UBE2L3: variants seen among roughly 807,000 people sequenced by gnomAD.
UBE2L3 encodes ubiquitin conjugating enzyme E2 L3.
Under a neutral mutation model 17.8 loss-of-function variants are expected in UBE2L3, and 1 was observed. The observed-to-expected ratio is 0.06, with a 90% CI of 0.02 to 0.27. The LOEUF (loss-of-function observed/expected upper bound fraction) is 0.27. Ranked by LOEUF, UBE2L3 falls within the 10% of genes least tolerant of loss-of-function variation. The pLI is 1.00. For synonymous variants in UBE2L3, 44 were observed against 68.5 expected, an observed-to-expected ratio of 0.64 and a Z score of 1.76; for missense variants, 40 against 192.6, an observed-to-expected ratio of 0.21 and a Z score of 4.69.
At chr22:21,568,438 C>G (rs1283128161) in intron 1 of UBE2L3, 1 of 985,130 alleles carries the variant, frequency 1.0e-6, no homozygotes, top group Non-Finnish European at 1.2e-6. Flanking sequence ...TTCTGCTTCC[C>G]TCTCCTCCAC....
chr22:21,586,565 C>T (rs1406020430), intron 1 of UBE2L3, among the ~76,000 whole-genome samples: 1 of 151,196 alleles, frequency 6.6e-6, no homozygotes, highest in Non-Finnish European at 1.5e-5. Flanking sequence ...GCCACTGCAC[C>T]CAGCCTTTTT....
intron 1 of UBE2L3, among the ~76,000 whole-genome samples, chr22:21,591,382 G>A (rs1228314294): frequency 6.6e-6 from 1 of 152,216 alleles, no homozygotes; most frequent in Non-Finnish European, 1.5e-5. Flanking sequence ...TGATTGTGGT[G>A]GGCAGATGAG....
At chr22:21,596,676 T>G (rs1362032482) in intron 2 of UBE2L3, among the ~76,000 whole-genome samples, 1 of 151,916 alleles carries the variant, frequency 6.6e-6, no homozygotes, top group Non-Finnish European at 1.5e-5. Flanking sequence ...TAGTAGAGAC[T>G]GGGTTTCTCC....
rs533923826 is a variant in UBE2L3 at position 21,575,631 on chromosome 22, C to CTT, written c.27+7887_27+7888dup. Among the ~76,000 whole-genome samples the CTT allele has an allele frequency of 4.9e-3, 362 of 73,446 alleles. 89 individuals are homozygous for CTT. The highest frequency in any genetic ancestry group is 0.02 in the Middle Eastern group (2 of 98). 48.2% of individuals were successfully genotyped at this position (73,446 alleles called of 152,430 possible). ...TACTTTTCCCAACAAAGTTGAATAG[C>CTT]TTTTTTTTTTTTTTTTTTTTTTTTT... On this transcript the variant is annotated intron_variant, in intron 1 of 3. Transcript: ENST00000342192.
chr22:21,607,829 C>T (rs777083773), intron 2 of UBE2L3, among the ~76,000 whole-genome samples: 74 of 152,146 alleles, frequency 4.9e-4, no homozygotes, highest in Non-Finnish European at 8.5e-4. Context: ...GAGTGACCAG[C>T]TCAGGTCCCC....
chr22:21,567,309 G>A (rs971791283), upstream of UBE2L3, among the ~76,000 whole-genome samples: 5 of 152,020 alleles, frequency 3.3e-5, no homozygotes, highest in South Asian at 4.1e-4. Flanking sequence ...GATTACAGGC[G>A]CCCGCCACCA....
upstream of UBE2L3, among the ~76,000 whole-genome samples, chr22:21,562,815 GT>G (rs1412368881): frequency 1.3e-5 from 2 of 151,386 alleles, no homozygotes; most frequent in Non-Finnish European, 2.9e-5. Context: ...CTGTGTATCT[GT>G]TTTTCTGGAC....
chr22:21,573,313 C>T (rs1343966074), intron 1 of UBE2L3, among the ~76,000 whole-genome samples: 2 of 152,094 alleles, frequency 1.3e-5, no homozygotes, highest in East Asian at 3.9e-4. Flanking sequence ...TTGTCTCTCC[C>T]CACTTGCCCG....
intron 1 of UBE2L3, among the ~76,000 whole-genome samples, chr22:21,581,201 G>A (rs909508616): frequency 1.3e-4 from 19 of 151,960 alleles, no homozygotes; most frequent in African/African-American, 4.4e-4. Flanking sequence ...GACTATAGGT[G>A]AACACTACCA....
At chr22:21,617,155 A>G (rs1329435894) in intron 3 of UBE2L3, among the ~76,000 whole-genome samples, 3 of 151,834 alleles carry the variant, frequency 2.0e-5, no homozygotes, top group African/African-American at 4.8e-5. Context: ...AAAAAAAAAA[A>G]AAAAAAAAGA....
intron 1 of UBE2L3, among the ~76,000 whole-genome samples, chr22:21,561,025 A>C (rs1439759825): frequency 3.3e-5 from 5 of 152,230 alleles, no homozygotes; most frequent in African/African-American, 1.2e-4. Context: ...AAGAAGGAGG[A>C]TAGAAAGGAA....
chr22:21,592,268 C>G lies in UBE2L3; in HGVS notation c.28-593C>G, dbSNP rs111388333. ...AGTGAAGGTTTCCCGTCCCCACCCC[C>G]CCACTCCCACCCCAGTCCCAGACTG... On this transcript the variant is annotated intron_variant, in intron 1 of 3. Transcript: ENST00000342192. Among the ~76,000 whole-genome samples the G allele has an allele frequency of 9.6e-3, 1,460 of 152,210 alleles. 8 individuals carry two copies. The highest frequency in any genetic ancestry group is 0.033 in the South Asian group (159 of 4,816).
intron 2 of UBE2L3, among the ~76,000 whole-genome samples, chr22:21,596,399 C>T (rs544318286): frequency 9.9e-5 from 15 of 152,066 alleles, no homozygotes; most frequent in African/African-American, 3.4e-4. Flanking sequence ...TTGAGACAGT[C>T]TTACTCTGTC....
At chr22:21,564,582 A>C (rs542622680), upstream of UBE2L3, among the ~76,000 whole-genome samples, 2 of 152,300 alleles carry the variant, frequency 1.3e-5, no homozygotes, top group East Asian at 3.9e-4. Flanking sequence ...GCAAAGTGCA[A>C]GGGAGTCATC....
At chr22:21,568,445 C>G (rs1298882666) in intron 1 of UBE2L3, 1 of 984,926 alleles carries the variant, frequency 1.0e-6, no homozygotes, top group Non-Finnish European at 1.2e-6. Context: ...TCCCTCTCCT[C>G]CACTCAGTCA....
intron 1 of UBE2L3, among the ~76,000 whole-genome samples, chr22:21,586,063 GT>G (rs1177202462): frequency 2.0e-5 from 3 of 152,018 alleles, no homozygotes; most frequent in Non-Finnish European, 4.4e-5. Flanking sequence ...AGCCTCCTGA[GT>G]AGCTGGGACC....
chr22:21,565,330 G>A (rs1926589813), upstream of UBE2L3, among the ~76,000 whole-genome samples: 1 of 151,514 alleles, frequency 6.6e-6, no homozygotes, highest in African/African-American at 2.4e-5. Flanking sequence ...CTGACCTCGT[G>A]ATCCACCCAC....
intron 1 of UBE2L3, among the ~76,000 whole-genome samples, chr22:21,571,281 C>T (rs544788651): frequency 6.6e-6 from 1 of 152,310 alleles, no homozygotes; most frequent in East Asian, 1.9e-4. Flanking sequence ...CTGATCATTT[C>T]TTTGCAGCTT....
chr22:21,582,566 C>G (rs1601407542), intron 1 of UBE2L3, among the ~76,000 whole-genome samples: 1 of 151,932 alleles, frequency 6.6e-6, no homozygotes, highest in Non-Finnish European at 1.5e-5. Context: ...ACTATTGTTG[C>G]CCAGCCTGGA....
Sources: allele counts gnomAD v4.1 joint callset (sites outside exome capture counted in the v4.1 genomes callset), GRCh38; gene constraint gnomAD v4.1.1; transcripts MANE v1.5; gene names NCBI Gene and HGNC (gene_info 2026-07-23, HGNC 2026-07-21).